Variants in ERBB4 observed in about 807,000 individuals in gnomAD.
The protein encoded by ERBB4 is receptor tyrosine-protein kinase erbB-4.
ERBB4 carries 42 observed loss-of-function variants against 158.0 expected under a neutral mutation model. The observed-to-expected ratio is 0.27, with a 90% CI of 0.21 to 0.34. The LOEUF is 0.34. Ranked by LOEUF, ERBB4 falls within the 10% of genes least tolerant of loss-of-function variation. The pLI is 1.00. For missense variants in ERBB4, 1,333 were observed against 1,624.1 expected (o/e 0.82, Z 3.08); for synonymous variants, 583 against 558.7 (o/e 1.04, Z -0.61).
At chr2:212,090,342 C>T (rs528915383) in intron 2 of ERBB4, among the ~76,000 whole-genome samples, 34 of 152,184 alleles carry the variant, frequency 2.2e-4, no homozygotes, top group African/African-American at 7.9e-4. Flanking sequence ...TTCTTGAAAC[C>T]TCTTTAACTT....
At chr2:212,191,715 T>C (rs566658749) in intron 1 of ERBB4, among the ~76,000 whole-genome samples, 2 of 148,546 alleles carry the variant, frequency 1.3e-5, no homozygotes, top group African/African-American at 4.9e-5. Context: ...GTTATACATG[T>C]TACATATAAC....
At chr2:212,197,462 G>C (rs1024412581) in intron 1 of ERBB4, among the ~76,000 whole-genome samples, 1 of 152,018 alleles carries the variant, frequency 6.6e-6, no homozygotes, top group African/African-American at 2.4e-5. Context: ...TTATGCAAAA[G>C]GTAATTTTAT....
chr2:211,706,418 A>T (rs536896995), intron 9 of ERBB4, among the ~76,000 whole-genome samples: 1 of 152,248 alleles, frequency 6.6e-6, no homozygotes, highest in South Asian at 2.1e-4. Flanking sequence ...AGATAGGCAT[A>T]TGGCCTATGT....
At chr2:211,927,830 C>A (rs920547403) in intron 3 of ERBB4, among the ~76,000 whole-genome samples, 2 of 151,636 alleles carry the variant, frequency 1.3e-5, no homozygotes, top group African/African-American at 4.8e-5. Context: ...ATTATACTTA[C>A]GAGGAGGTTA....
chr2:212,275,854 A>C (rs112258343), intron 1 of ERBB4, among the ~76,000 whole-genome samples: 11,336 of 151,940 alleles, frequency 0.075, 476 homozygotes, highest in Non-Finnish European at 0.097. Flanking sequence ...AAACGGGCTA[A>C]ATGCCCCAAT....
At chr2:212,005,135 A>ATG (rs1280985235) in intron 2 of ERBB4, among the ~76,000 whole-genome samples, 1 of 152,198 alleles carries the variant, frequency 6.6e-6, no homozygotes, top group Non-Finnish European at 1.5e-5. Context: ...CAACATATAT[A>ATG]GGTGTTTGAG....
chr2:211,735,179 G>T (rs1487918459), intron 5 of ERBB4, among the ~76,000 whole-genome samples: 2 of 151,568 alleles, frequency 1.3e-5, no homozygotes, highest in African/African-American at 4.9e-5. Flanking sequence ...TGATGGGAAG[G>T]CATTATTATT....
At chr2:211,906,984 G>A (rs1408186138) in intron 3 of ERBB4, among the ~76,000 whole-genome samples, 3 of 151,574 alleles carry the variant, frequency 2.0e-5, no homozygotes, top group African/African-American at 7.3e-5. Flanking sequence ...GCGCTTGATT[G>A]TGCCATTAAA....
chr2:212,143,914 G>C (rs1039906414), intron 1 of ERBB4, among the ~76,000 whole-genome samples: 2 of 151,962 alleles, frequency 1.3e-5, no homozygotes, highest in Admixed American at 1.3e-4. Flanking sequence ...AGCTGCTTGG[G>C]AGGCTGAGGC....
intron 1 of ERBB4, among the ~76,000 whole-genome samples, chr2:212,326,591 A>G (rs1192670698): frequency 6.6e-6 from 1 of 150,688 alleles, no homozygotes; most frequent in Non-Finnish European, 1.5e-5. Flanking sequence ...AGTGATGGGT[A>G]TGTTTTTTAA....
intron 20 of ERBB4, among the ~76,000 whole-genome samples, chr2:211,543,700 A>G (rs972303638): frequency 7.9e-5 from 12 of 151,976 alleles, no homozygotes; most frequent in Admixed American, 3.9e-4. Context: ...AGAATTTCAC[A>G]GCCAAGTAAT....
At chr2:212,000,736 T>C (rs963203102) in intron 2 of ERBB4, among the ~76,000 whole-genome samples, 1 of 151,838 alleles carries the variant, frequency 6.6e-6, no homozygotes, top group Non-Finnish European at 1.5e-5. Flanking sequence ...AAAAAATGTC[T>C]ACCAAAATCT....
intron 3 of ERBB4, among the ~76,000 whole-genome samples, chr2:211,901,569 A>T (rs1403862209): frequency 6.6e-6 from 1 of 152,082 alleles, no homozygotes; most frequent in Non-Finnish European, 1.5e-5. Flanking sequence ...TCTGCTTTTC[A>T]CTGTGGCCAC....
At chr2:211,513,518 G>C (rs968718638) in intron 20 of ERBB4, among the ~76,000 whole-genome samples, 1 of 152,010 alleles carries the variant, frequency 6.6e-6, no homozygotes, top group Non-Finnish European at 1.5e-5. Flanking sequence ...TTATTTAGCC[G>C]AGGCTTGTCC....
chr2:211,864,742 G>A (rs1474681317), intron 3 of ERBB4, among the ~76,000 whole-genome samples: 1 of 152,144 alleles, frequency 6.6e-6, no homozygotes, highest in Non-Finnish European at 1.5e-5. Flanking sequence ...CAGGCGGGCA[G>A]ATCACTTGAG....
At chr2:212,241,686 G>T (rs923584427) in intron 1 of ERBB4, among the ~76,000 whole-genome samples, 2 of 152,032 alleles carry the variant, frequency 1.3e-5, no homozygotes, top group African/African-American at 2.4e-5. Context: ...ATATCTTTTA[G>T]TTATTTGACA....
chr2:212,161,805 G>A (rs1002847823), intron 1 of ERBB4, among the ~76,000 whole-genome samples: 1 of 151,732 alleles, frequency 6.6e-6, no homozygotes, highest in Non-Finnish European at 1.5e-5. Flanking sequence ...TTAACATTTG[G>A]TAAGAAGTGT....
intron 19 of ERBB4, among the ~76,000 whole-genome samples, chr2:211,611,002 C>T (rs2069172956): frequency 6.6e-6 from 1 of 152,076 alleles, no homozygotes; most frequent in African/African-American, 2.4e-5. Flanking sequence ...AGCACTTTGT[C>T]TTAGTATCCC....
At chr2:212,425,705 T>G (rs1396216271) in intron 1 of ERBB4, among the ~76,000 whole-genome samples, 1 of 151,972 alleles carries the variant, frequency 6.6e-6, no homozygotes, top group Non-Finnish European at 1.5e-5. Context: ...TTACACTGTA[T>G]GTATCTTTAT....
Sources: allele counts gnomAD v4.1 joint callset (sites outside exome capture counted in the v4.1 genomes callset), GRCh38; gene constraint gnomAD v4.1.1; transcripts MANE v1.5; gene names NCBI Gene and HGNC (gene_info 2026-07-23, HGNC 2026-07-21).